Variants in PTPRK observed in about 807,000 individuals in gnomAD.
PTPRK encodes receptor-type tyrosine-protein phosphatase kappa.
In PTPRK, 75 loss-of-function variants were observed where a neutral mutation model predicts 178.0. The ratio of observed to expected loss-of-function variants is 0.42; its 90% CI spans 0.35 to 0.51. PTPRK has a LOEUF of 0.51. PTPRK is among the 20% of genes least tolerant of loss of function. The pLI is 0.02. For synonymous variants in PTPRK, 637 were observed against 620.6 expected, an observed-to-expected ratio of 1.03 and a Z score of -0.39; for missense variants, 1,441 against 1,797.8, an observed-to-expected ratio of 0.80 and a Z score of 3.59.
chr6:128,348,239 G>A (rs928634555), intron 2 of PTPRK, among the ~76,000 whole-genome samples: 3 of 151,574 alleles, frequency 2.0e-5, no homozygotes, highest in African/African-American at 7.3e-5. Flanking sequence ...ATGAAAGAAC[G>A]CAATATTAAG....
intron 7 of PTPRK, among the ~76,000 whole-genome samples, chr6:128,176,987 A>G (rs1801170082): frequency 1.3e-5 from 2 of 151,750 alleles, no homozygotes; most frequent in East Asian, 3.9e-4. Flanking sequence ...AAAACAAAGA[A>G]AGGAAATCAC....
At chr6:128,487,872 C>T (rs1853190001) in intron 1 of PTPRK, among the ~76,000 whole-genome samples, 1 of 152,156 alleles carries the variant, frequency 6.6e-6, no homozygotes, top group Non-Finnish European at 1.5e-5. Context: ...AGGTATCAAA[C>T]TTTTCTGCCC....
At position 128,393,498 on chromosome 6, in the gene PTPRK, T is replaced by C. The variant is rs369117174; in HGVS notation, c.223+4068A>G. ...GTACAGTGGGCCGCATCTTCTGATA[T>C]GAGGATAGAAGAAACAGAGTTTCAA... On this transcript the variant is annotated intron_variant, in intron 2 of 29. Coordinates refer to ENST00000368226, the MANE Select transcript of PTPRK (RefSeq NM_002844.4). 9.6e-4 allele frequency among the ~76,000 whole-genome samples: 146 copies of C among 152,278 alleles called. 1 individual carries two copies. The highest frequency in any genetic ancestry group is 3.2e-3 in the African/African-American group (135 of 41,572).
At chr6:128,458,922 A>G (rs1309033154) in intron 1 of PTPRK, among the ~76,000 whole-genome samples, 1 of 152,184 alleles carries the variant, frequency 6.6e-6, no homozygotes, top group Non-Finnish European at 1.5e-5. Context: ...TGGTCATTCA[A>G]ATATTCCTTC....
chr6:128,310,512 A>C (rs1008148819), intron 3 of PTPRK, among the ~76,000 whole-genome samples: 2 of 152,218 alleles, frequency 1.3e-5, no homozygotes, highest in Non-Finnish European at 2.9e-5. Flanking sequence ...GCTGTACCTT[A>C]CACAACTCAG....
chr6:128,285,383 C>A (rs1172923078), intron 3 of PTPRK, among the ~76,000 whole-genome samples: 1 of 151,772 alleles, frequency 6.6e-6, no homozygotes, highest in African/African-American at 2.4e-5. Flanking sequence ...GGCACGGTCA[C>A]GGGTGCTTGT....
chr6:128,059,372 C>A (rs1780441294), intron 13 of PTPRK, among the ~76,000 whole-genome samples: 1 of 152,018 alleles, frequency 6.6e-6, no homozygotes, highest in East Asian at 1.9e-4. Context: ...CAGATATATT[C>A]CTACACTAAT....
At chr6:128,052,810 CTTTCCTA>C (rs1396201547) in intron 13 of PTPRK, among the ~76,000 whole-genome samples, 2 of 152,090 alleles carry the variant, frequency 1.3e-5, no homozygotes, top group Non-Finnish European at 2.9e-5. Context: ...AGGACTTGTG[CTTTCCTA>C]TTTTATTCAG....
intron 7 of PTPRK, among the ~76,000 whole-genome samples, chr6:128,123,505 G>T (rs1792817967): frequency 6.6e-6 from 1 of 152,062 alleles, no homozygotes; most frequent in Admixed American, 6.6e-5. Flanking sequence ...AATTTCCAAA[G>T]ATAGTACAAA....
chr6:128,231,023 GAAGCCACATAA>G (rs1812205588), intron 5 of PTPRK, among the ~76,000 whole-genome samples: 1 of 152,102 alleles, frequency 6.6e-6, no homozygotes, highest in African/African-American at 2.4e-5. Context: ...TTTACGGTAG[GAAGCCACATAA>G]AATCAACCAA....
rs1285609112 is a variant in PTPRK, at chr6:128,135,864, A to C, written c.1163-45872T>G. Among the ~76,000 whole-genome samples, 3 of 152,012 alleles carry C rather than the reference A, an allele frequency of 2.0e-5. 1 individual carries two copies. Among genetic ancestry groups the C allele is most frequent in the African/African-American group, 4.8e-5 (2 of 41,404 alleles). On this transcript the variant is annotated intron_variant, in intron 7 of 29. Transcript: ENST00000368226. ...ATAAAAATAAAAATAATAAAAAAAA[A>C]CAAGAAAAGAATAGCATCTGGTAGA...
intron 3 of PTPRK, among the ~76,000 whole-genome samples, chr6:128,282,253 A>G (rs1399249920): frequency 6.6e-6 from 1 of 152,228 alleles, no homozygotes; most frequent in African/African-American, 2.4e-5. Flanking sequence ...GCAAAAGCAT[A>G]AAATACCTGA....
chr6:128,494,860 T>C (rs1854428372), intron 1 of PTPRK, among the ~76,000 whole-genome samples: 1 of 152,142 alleles, frequency 6.6e-6, no homozygotes, highest in South Asian at 2.1e-4. Context: ...GCCCTGAAAG[T>C]ATAGGGGAGA....
chr6:128,412,584 A>G (rs1024193136), intron 1 of PTPRK, among the ~76,000 whole-genome samples: 1 of 152,246 alleles, frequency 6.6e-6, no homozygotes, highest in Admixed American at 6.5e-5. Flanking sequence ...AATGCAAACT[A>G]GAATGGTAGG....
intron 2 of PTPRK, among the ~76,000 whole-genome samples, chr6:128,348,058 G>A (rs1261161548): frequency 6.6e-6 from 1 of 151,960 alleles, no homozygotes; most frequent in Non-Finnish European, 1.5e-5. Context: ...ATCATCTATT[G>A]TAGCTTTGAC....
rs557200496 is a variant in PTPRK at position 128,367,309 on chromosome 6, C to T, written c.223+30257G>A. ...CATCCCAAACCCTCCCCATTTAATT[C>T]TAACCAGTTTGTCAGCATTTACTTA... On this transcript the variant is annotated intron_variant, in intron 2 of 29. Transcript: ENST00000368226. Among the ~76,000 whole-genome samples the T allele has an allele frequency of 4.6e-5, 7 of 152,248 alleles. No individual in the cohort carries two copies. The South Asian group carries it at 1.4e-3, about 32-fold the overall frequency.
chr6:128,262,150 T>C (rs552148250), intron 3 of PTPRK, among the ~76,000 whole-genome samples: 2 of 152,180 alleles, frequency 1.3e-5, no homozygotes. Flanking sequence ...ATTTTATGGA[T>C]GACAAATTAA....
intron 1 of PTPRK, among the ~76,000 whole-genome samples, chr6:128,461,427 A>G (rs1282699501): frequency 6.6e-6 from 1 of 152,200 alleles, no homozygotes; most frequent in African/African-American, 2.4e-5. Flanking sequence ...TTGCACACAC[A>G]CCAATTTTAA....
At chr6:128,048,449 C>G (rs1778444891) in intron 13 of PTPRK, among the ~76,000 whole-genome samples, 3 of 152,150 alleles carry the variant, frequency 2.0e-5, no homozygotes, top group Admixed American at 2.0e-4. Flanking sequence ...CTCTAATGCT[C>G]CTGCCCTACA....
Sources: allele counts gnomAD v4.1 joint callset (sites outside exome capture counted in the v4.1 genomes callset), GRCh38; gene constraint gnomAD v4.1.1; transcripts MANE v1.5; gene names NCBI Gene and HGNC (gene_info 2026-07-23, HGNC 2026-07-21).